SLC9D1: variants seen among roughly 807,000 people sequenced by gnomAD.
The protein encoded by SLC9D1 is solute carrier family 9 member D1, also known as putative LAG1-interacting protein.
At chr13:113,501,650 G>A in the SLC9D1 span, 280,608 of 873,612 alleles carry the variant, frequency 0.32, 48,724 homozygotes, top group African/African-American at 0.57. Flanking sequence ...TTCCCATCAG[G>A]TGAAATCGGG....
At chr13:113,518,575 C>T in the SLC9D1 span, among the ~76,000 whole-genome samples, 1 of 152,162 alleles carries the variant, frequency 6.6e-6, no homozygotes, top group Non-Finnish European at 1.5e-5. Flanking sequence ...GTGTTATCTG[C>T]GGAAGATGTG....
At chr13:113,528,863 C>CCAACATAAGTTGAA in the SLC9D1 span, 1 of 152,202 alleles carries the variant, frequency 6.6e-6, no homozygotes, top group Admixed American at 6.5e-5. Flanking sequence ...GCTACAATGT[C>CCAACATAAGTTGAA]CAACATAAGT....
chr13:113,503,763 G>T, the SLC9D1 span: 56,775 of 572,588 alleles, frequency 0.099, 3,165 homozygotes, highest in Non-Finnish European at 0.12. Flanking sequence ...AAAATATCAG[G>T]TTTGAAAGCG....
At chr13:113,496,736 T>C in the SLC9D1 span, among the ~76,000 whole-genome samples, 1 of 152,236 alleles carries the variant, frequency 6.6e-6, no homozygotes, top group African/African-American at 2.4e-5. Context: ...TAAACTTTCT[T>C]TACCAAAATA....
chr13:113,548,376 C>T, the SLC9D1 span: 3 of 1,613,698 alleles, frequency 1.9e-6, no homozygotes, highest in Non-Finnish European at 2.5e-6. Context: ...ATCGTCTCTG[C>T]GGGGCTTGCC....
At chr13:113,499,915 G>A in the SLC9D1 span, 87,830 of 1,243,210 alleles carry the variant, frequency 0.071, 3,375 homozygotes, top group Non-Finnish European at 0.076. Context: ...AAAATTGAAA[G>A]CATTTAATGG....
chr13:113,498,700 T>C, the SLC9D1 span: 2 of 528,706 alleles, frequency 3.8e-6, no homozygotes, highest in African/African-American at 2.0e-5. Flanking sequence ...AATTATCTTT[T>C]ATTTTCCTTT....
chr13:113,549,375 G>A, the SLC9D1 span: 2 of 1,599,708 alleles, frequency 1.3e-6, no homozygotes, highest in Non-Finnish European at 1.7e-6. Flanking sequence ...CCTGTTGCAG[G>A]TGCTAGTCCT....
the SLC9D1 span, chr13:113,495,906 TC>T: frequency 6.2e-7 from 1 of 1,614,094 alleles, no homozygotes; most frequent in South Asian, 1.1e-5. Context: ...AAGTGAAAAT[TC>T]CGTTTTCCAA....
the SLC9D1 span, among the ~76,000 whole-genome samples, chr13:113,523,112 T>G: frequency 2.3e-5 from 3 of 133,096 alleles, no homozygotes; most frequent in Non-Finnish European, 4.7e-5. Flanking sequence ...TGGTGTGTAG[T>G]TCTCTCTTTT....
the SLC9D1 span, among the ~76,000 whole-genome samples, chr13:113,512,865 A>T: frequency 1.4e-5 from 2 of 143,290 alleles, no homozygotes; most frequent in Non-Finnish European, 3.1e-5. Flanking sequence ...GAAGGGGGCC[A>T]GAGTGTAGAT....
chr13:113,540,917 C>T, the SLC9D1 span, among the ~76,000 whole-genome samples: 1 of 152,158 alleles, frequency 6.6e-6, no homozygotes, highest in African/African-American at 2.4e-5. Flanking sequence ...GGTCCGGTTT[C>T]AGTTTTCTGC....
chr13:113,547,322 T>A, the SLC9D1 span: 11 of 1,614,220 alleles, frequency 6.8e-6, no homozygotes, highest in Non-Finnish European at 9.3e-6. Flanking sequence ...TCCCCACGTT[T>A]GTGGCGTACG....
chr13:113,503,528 TG>T, the SLC9D1 span: 1 of 1,613,908 alleles, frequency 6.2e-7, no homozygotes, highest in Non-Finnish European at 8.5e-7. Flanking sequence ...TAGGAGAATT[TG>T]GGGTGTTTTT....
At chr13:113,508,890 G>A in the SLC9D1 span, among the ~76,000 whole-genome samples, 2 of 152,240 alleles carry the variant, frequency 1.3e-5, no homozygotes, top group African/African-American at 4.8e-5. Flanking sequence ...ATGCTCCAAA[G>A]CACCCAAGGT....
chr13:113,496,066 G>A, the SLC9D1 span: 1 of 1,420,656 alleles, frequency 7.0e-7, no homozygotes, highest in South Asian at 1.2e-5. Context: ...GGGAGAGGGA[G>A]AGAGAGGTGA....
the SLC9D1 span, chr13:113,496,090 G>C: frequency 0.011 from 8,466 of 784,710 alleles, no homozygotes; most frequent in Non-Finnish European, 0.015. Flanking sequence ...GAGAGGGAGA[G>C]TGCGTGCCCA....
the SLC9D1 span, among the ~76,000 whole-genome samples, chr13:113,531,615 G>A: frequency 4.0e-5 from 6 of 149,658 alleles, no homozygotes. Flanking sequence ...GTGTGGACCT[G>A]CAGGTGGCAC....
At chr13:113,501,691 C>A in the SLC9D1 span, 398 of 1,402,132 alleles carry the variant, frequency 2.8e-4, 2 homozygotes, top group Non-Finnish European at 3.8e-4. Flanking sequence ...CCTCAGCCAG[C>A]CAGCCCCCTT....
Sources: gnomAD v4.1 joint callset for allele counts (sites outside exome capture counted in the v4.1 genomes callset) on GRCh38, gnomAD v4.1.1 for gene constraint, MANE v1.5 for transcripts, NCBI Gene and HGNC (gene_info 2026-07-23, HGNC 2026-07-21) for gene names.